The following CMTM4 variants were observed in gnomAD, a reference collection of about 807,000 sequenced individuals.
CMTM4 encodes CKLF-like MARVEL transmembrane domain-containing protein 4.
A neutral mutation model predicts 19.0 loss-of-function variants in CMTM4; 8 were observed. The ratio of observed to expected loss-of-function variants is 0.42; its 90% confidence interval spans 0.25 to 0.76. The LOEUF is 0.76. Among genes scored for constraint, CMTM4 ranks in the 30% least tolerant of loss-of-function variants. CMTM4 has a pLI of 0.27. For missense variants in CMTM4, 228 were observed against 290.2 expected (o/e 0.79, Z 1.56); for synonymous variants, 106 against 121.1 (o/e 0.88, Z 0.82).
intron 1 of CMTM4, among the ~76,000 whole-genome samples, chr16:66,641,168 T>A (rs1043525182): frequency 6.6e-6 from 1 of 152,086 alleles, no homozygotes. Context: ...CCTCAAACTT[T>A]CGAGTAGCTG....
rs35189676 is a variant in CMTM4 at position 66,675,457 on chromosome 16, TA to T, written c.186+20882del. Among the ~76,000 whole-genome samples, 1,070 of 115,206 alleles carry T rather than the reference TA, an allele frequency of 9.3e-3. 8 individuals are homozygous for T. Among genetic ancestry groups the T allele is most frequent in the South Asian group, 0.035 (123 of 3,552 alleles). 75.6% of individuals were successfully genotyped at this position (115,206 alleles called of 152,430 possible). A position where few individuals can be genotyped will look rare whatever the true frequency, so the allele number is the denominator to read the frequency against. ...CACAATGGTAGACTTTATTATTCAT[TA>T]AAAAAAAAAAAAAAAAAAACCTGCA... is the stretch of plus-strand genomic sequence containing the variant. On this transcript the variant is annotated intron_variant, in intron 1 of 3. Coordinates refer to ENST00000394106, the MANE Select transcript of CMTM4 (RefSeq NM_181521.3).
chr16:66,647,880 T>C (rs1022699448), intron 1 of CMTM4, among the ~76,000 whole-genome samples: 1 of 152,188 alleles, frequency 6.6e-6, no homozygotes, highest in Non-Finnish European at 1.5e-5. Context: ...TGAGAGAAGT[T>C]GTGAAATCAT....
At chr16:66,687,888 C>T (rs891217592) in intron 1 of CMTM4, among the ~76,000 whole-genome samples, 6 of 151,964 alleles carry the variant, frequency 3.9e-5, no homozygotes, top group Non-Finnish European at 7.4e-5. Flanking sequence ...CGGGTTTCAC[C>T]GTGTTAGCCA....
Position 66,621,576 on chromosome 16 carries a change from C to G in CMTM4, c.*482G>C. Reference sequence around the variant, plus strand: ...GGCTGGTGCTGGCTGCCTGGGGGCCCTGGCATGGAAGATGAGGAGTGGGCT... The same window carrying G: ...GGCTGGTGCTGGCTGCCTGGGGGCCGTGGCATGGAAGATGAGGAGTGGGCT... On this transcript the variant is annotated 3_prime_UTR_variant, in exon 4 of 4. Transcript: ENST00000394106. 1 of 989,178 alleles carries G rather than the reference C, an allele frequency of 1.0e-6. No individual in the cohort carries two copies. Among genetic ancestry groups the G allele is most frequent in the Non-Finnish European group, 1.2e-6 (1 of 831,858 alleles). The allele number at this position is 989,178 out of a possible 1,614,324, so 61.3% of individuals were successfully genotyped here.
intron 1 of CMTM4, among the ~76,000 whole-genome samples, chr16:66,668,257 C>T (rs1204073546): frequency 6.6e-6 from 1 of 151,956 alleles, no homozygotes; most frequent in South Asian, 2.1e-4. Flanking sequence ...GATCCTCCCA[C>T]CTCAGCCCCC....
the CMTM4 span, among the ~76,000 whole-genome samples, chr16:66,607,475 TTATC>T: frequency 6.6e-6 from 1 of 152,218 alleles, no homozygotes; most frequent in Non-Finnish European, 1.5e-5. Flanking sequence ...TTTTTTTGCT[TTATC>T]TATCTGTCCA....
rs355946 is a variant in CMTM4 at position 66,620,823 on chromosome 16, C to T, written c.*1235G>A. 10 of 985,066 alleles carry T rather than the reference C, an allele frequency of 1.0e-5. No homozygotes were observed. Among genetic ancestry groups the T allele is most frequent in the Non-Finnish European group, 1.2e-5 (10 of 829,480 alleles). 61.0% of individuals were successfully genotyped at this position (985,066 alleles called of 1,614,324 possible). A position where few individuals can be genotyped will look rare whatever the true frequency, so the allele number is the denominator to read the frequency against. On this transcript the variant is annotated 3_prime_UTR_variant, in exon 4 of 4. Transcript: ENST00000394106. ...CTTTTTTCCATAAAAGATATAATTA[C>T]TCTCTAATTTTTTAAAAAAACTACT...
chr16:66,605,563 G>A, the CMTM4 span: 1 of 152,490 alleles, frequency 6.6e-6, no homozygotes, highest in East Asian at 1.9e-4. This position sits in a 1 kb window ranked among gnomAD's most constrained non-coding sequence, Gnocchi z 4.6. Context: ...ACTGTCCGCT[G>A]TGGGGTAGGG....
At chr16:66,609,957 C>T (rs2015313698), downstream of CMTM4, 1 of 1,614,068 alleles carries the variant, frequency 6.2e-7, no homozygotes, top group South Asian at 1.1e-5. This position sits in a 1 kb window ranked among gnomAD's most constrained non-coding sequence, Gnocchi z 4.4. Flanking sequence ...CCAAATTCCT[C>T]AAACAAGGGG....
the CMTM4 span, chr16:66,604,936 T>C: frequency 6.7e-7 from 1 of 1,501,658 alleles, no homozygotes; most frequent in Non-Finnish European, 8.8e-7. Context: ...AAAGGCCGCC[T>C]CCTGCTGGCC....
intron 1 of CMTM4, among the ~76,000 whole-genome samples, chr16:66,674,849 C>T (rs1023011330): frequency 6.9e-6 from 1 of 144,172 alleles, no homozygotes; most frequent in East Asian, 2.2e-4. Flanking sequence ...TCAAGCAATT[C>T]CCCTGCCTCA....
chr16:66,617,480 C>A lies in CMTM4; in HGVS notation c.*4578G>T. The A allele has an allele frequency of 6.9e-7, 1 of 1,444,458 alleles. No homozygotes were observed. The highest frequency in any genetic ancestry group is 1.5e-5 in the South Asian group (1 of 68,320). The allele number at this position is 1,444,458 out of a possible 1,614,324, so 89.5% of individuals were successfully genotyped here. On this transcript the variant is annotated 3_prime_UTR_variant, in exon 4 of 4. Coordinates refer to ENST00000394106, the MANE Select transcript of CMTM4 (RefSeq NM_181521.3). ...ACTCCGCTTCAAGCTAAAGAGTGTA[C>A]AAAATGCCACTCACTTGCATGAAGA...
At chr16:66,633,118 A>AAATATATATATATAAATATAT (rs1567408480) in intron 2 of CMTM4, among the ~76,000 whole-genome samples, 1 of 76,198 alleles carries the variant, frequency 1.3e-5, no homozygotes, top group Admixed American at 1.4e-4. Context: ...TATATATATA[A>AAATATATATATATAAATATAT]ATATATATAT....
intron 1 of CMTM4, among the ~76,000 whole-genome samples, chr16:66,693,988 CT>C (rs1440366498): frequency 2.0e-5 from 3 of 151,670 alleles, no homozygotes; most frequent in Admixed American, 1.3e-4. Context: ...TGCCACTGCA[CT>C]CCAGCCTGGG....
Position 66,619,333 on chromosome 16 carries a change from G to A in CMTM4, c.*2725C>T. The A allele has an allele frequency of 1.0e-6, 1 of 985,372 alleles. No individual in the cohort carries two copies. 61.0% of individuals were successfully genotyped at this position (985,372 alleles called of 1,614,324 possible). A position where few individuals can be genotyped will look rare whatever the true frequency, so the allele number is the denominator to read the frequency against. ...CAGAGGTTCCACCAAATGCTTGAGGGTTTCAGCTGTACAGTGTCCAGGAAA... is the reference window on the plus strand; with the variant it reads ...CAGAGGTTCCACCAAATGCTTGAGGATTTCAGCTGTACAGTGTCCAGGAAA... On this transcript the variant is annotated 3_prime_UTR_variant, in exon 4 of 4. Transcript: ENST00000394106.
In CMTM4 at chr16:66,621,095, G is replaced by C. The variant is rs901036472; in HGVS notation, c.*963C>G. The C allele has an allele frequency of 5.1e-6, 5 of 985,782 alleles. No individual in the cohort carries two copies. In the African/African-American group the frequency reaches 7.0e-5, roughly 14 times the overall value. The allele number at this position is 985,782 out of a possible 1,614,324, so 61.1% of individuals were successfully genotyped here. A position where few individuals can be genotyped will look rare whatever the true frequency, so the allele number is the denominator to read the frequency against. On this transcript the variant is annotated 3_prime_UTR_variant, in exon 4 of 4. Coordinates refer to ENST00000394106, the MANE Select transcript of CMTM4 (RefSeq NM_181521.3). Reference sequence around the variant, plus strand: ...GACGAATCTGCTCAGAATCATTTTAGAACTCTTTGCAGGCATTTAGAAAAT... The same window carrying C: ...GACGAATCTGCTCAGAATCATTTTACAACTCTTTGCAGGCATTTAGAAAAT...
chr16:66,605,547 GCCCGCA>G, the CMTM4 span: 1 of 152,404 alleles, frequency 6.6e-6, no homozygotes, highest in Admixed American at 6.5e-5. This position sits in a 1 kb window ranked among gnomAD's most constrained non-coding sequence, Gnocchi z 4.6. Context: ...CACCGGAGGC[GCCCGCA>G]CTGTCCGCTG....
intron 1 of CMTM4, among the ~76,000 whole-genome samples, chr16:66,678,048 C>T (rs768658161): frequency 4.6e-5 from 7 of 152,016 alleles, no homozygotes; most frequent in Non-Finnish European, 1.0e-4. Flanking sequence ...TGTGGTGGCA[C>T]GTGCCTATAC....
intron 1 of CMTM4, among the ~76,000 whole-genome samples, chr16:66,689,139 C>T (rs975950906): frequency 5.3e-5 from 8 of 152,078 alleles, no homozygotes; most frequent in East Asian, 1.9e-4. Context: ...TTTTTTGCAA[C>T]GGCTAGGACT....
Sources: allele counts gnomAD v4.1 joint callset (sites outside exome capture counted in the v4.1 genomes callset), GRCh38; gene constraint gnomAD v4.1.1; non-coding constraint Gnocchi (gnomAD v3.1); transcripts MANE v1.5; gene names NCBI Gene and HGNC (gene_info 2026-07-23, HGNC 2026-07-21).